The following GPA33 variants were observed in gnomAD, a reference collection of about 807,000 sequenced individuals.
GPA33 encodes glycoprotein A33, also known as cell surface A33 antigen.
Under a neutral mutation model 35.6 loss-of-function variants are expected in GPA33, and 27 were observed. That is an observed-to-expected ratio of 0.76 (90% CI 0.56 to 1.04). The LOEUF (loss-of-function observed/expected upper bound fraction) is 1.04. GPA33 is among the 50% of genes least tolerant of loss of function. The probability of loss-of-function intolerance (pLI) is 0.00; values close to 1 mark genes in which losing one functional copy is unlikely to be tolerated. For synonymous variants in GPA33, 176 were observed against 164.0 expected (o/e 1.07, Z -0.56); for missense variants, 428 against 411.9 (o/e 1.04, Z -0.34).
In GPA33 at chr1:167,069,090, C is replaced by G. The variant is rs781200944; in HGVS notation, c.247G>C (p.Glu83Gln). The G allele has an allele frequency of 1.2e-6, 2 of 1,613,936 alleles. No homozygotes were observed. Among genetic ancestry groups the G allele is most frequent in the Admixed American group, 3.3e-5 (2 of 59,998 alleles). Reference sequence around the variant, plus strand: ...ATGCTGACGCGATTCTTATAAAGCTCACCATGGATGTAGTTTTTGTTTGAA... The same window carrying G: ...ATGCTGACGCGATTCTTATAAAGCTGACCATGGATGTAGTTTTTGTTTGAA... Reference protein sequence around the residue: ...PFSNKNYIHGELYKNRVSISN... With the variant: ...PFSNKNYIHGQLYKNRVSISN... Residue 83 changes from glutamate to glutamine, a missense_variant, in exon 3 of 7, where the codon GAG (glutamate) becomes CAG (glutamine). Transcript: ENST00000367868.
intron 4 of GPA33, among the ~76,000 whole-genome samples, chr1:167,056,910 G>T (rs1461059379): frequency 1.4e-5 from 2 of 146,216 alleles, no homozygotes; most frequent in Non-Finnish European, 1.5e-5. Flanking sequence ...TGCTGCATGT[G>T]GTGTGTGTGG....
Position 167,090,283 on chromosome 1 carries a change from A to T in GPA33, c.5T>A (p.Val2Glu), listed in dbSNP as rs1256687235. 1.9e-6 allele frequency: 3 copies of T among 1,613,336 alleles called. No homozygotes were observed. The highest frequency in any genetic ancestry group is 2.5e-6 in the Non-Finnish European group (3 of 1,179,476). M[V>E]GKMWPVLWTL... is the part of the protein sequence containing the mutation. ...CCACAACACAGGCCACATCTTCCCC[A>T]CCATGGTCTTGCTTCTTCTCTGCCC... The change falls in exon 1 of 7, where the codon GTG (valine) becomes GAG (glutamate). Residue 2 changes from valine (V) to glutamate (E), a missense_variant. By Grantham distance (121) the Val-to-Glu change is moderately radical. Coordinates refer to ENST00000367868, the MANE Select transcript of GPA33 (RefSeq NM_005814.3).
chr1:167,054,231 G>T lies in GPA33; in HGVS notation c.*103C>A. The T allele has an allele frequency of 1.4e-6, 2 of 1,411,010 alleles. No individual in the cohort carries two copies. Among genetic ancestry groups the T allele is most frequent in the Non-Finnish European group, 2.0e-6 (2 of 1,022,154 alleles). 87.4% of individuals were successfully genotyped at this position (1,411,010 alleles called of 1,614,324 possible). A position where few individuals can be genotyped will look rare whatever the true frequency, so the allele number is the denominator to read the frequency against. ...GAAGAAATGTCCCCATCAATGTCTG[G>T]GATGGAGGGACAGGAGAACAGGGCT... On this transcript the variant is annotated 3_prime_UTR_variant, in exon 7 of 7. Coordinates refer to ENST00000367868, the MANE Select transcript of GPA33 (RefSeq NM_005814.3).
chr1:167,056,867 G>GT (rs1666313343), intron 4 of GPA33, among the ~76,000 whole-genome samples: 1 of 19,186 alleles, frequency 5.2e-5, no homozygotes, highest in African/African-American at 2.1e-4. Flanking sequence ...GTGTGTGTGT[G>GT]GTGTGTGGTG....
At chr1:167,069,254 C>T in intron 2 of GPA33, 116 bp from the exon 3 acceptor site, 1 of 644,232 alleles carries the variant, frequency 1.6e-6, no homozygotes, top group Non-Finnish European at 2.8e-6. Context: ...ACAGACCTGC[C>T]AACCCCTCAG....
rs551273699 is a variant in GPA33 at position 167,055,712 on chromosome 1, C to A, written c.691+18G>T. 3.7e-6 allele frequency: 6 copies of A among 1,613,180 alleles called. No homozygotes were observed. The highest frequency in any genetic ancestry group is 2.7e-5 in the African/African-American group (2 of 74,920). ...TCCTGTGGCGTTTGTCAGCCCTCCC[C>A]CCGCAGGCTGCTCTTACGAGATCTG... is the stretch of plus-strand genomic sequence containing the variant. On this transcript the variant is annotated intron_variant, in intron 5 of 6. Transcript: ENST00000367868.
chr1:167,058,298 T>A (rs577666770), intron 4 of GPA33: 4 of 152,202 alleles, frequency 2.6e-5, no homozygotes, highest in Non-Finnish European at 4.4e-5. Context: ...TCAATTCAAT[T>A]CAATACAGAA....
At chr1:167,056,832 G>C (rs1666307933) in intron 4 of GPA33, among the ~76,000 whole-genome samples, 1 of 10,062 alleles carries the variant, frequency 9.9e-5, no homozygotes, top group Non-Finnish European at 2.4e-4. Flanking sequence ...TTTGTAGTGT[G>C]TGTGGTGAGT....
At chr1:167,088,374 A>G (rs1667094900) in intron 1 of GPA33, among the ~76,000 whole-genome samples, 1 of 152,172 alleles carries the variant, frequency 6.6e-6, no homozygotes, top group Non-Finnish European at 1.5e-5. Context: ...ACTATTTGGT[A>G]AACTCTGTTT....
At position 167,064,311 on chromosome 1, in the gene GPA33, AAAAGAAAG is replaced by A. The variant is rs35530433; in HGVS notation, c.416-582_416-575del. On this transcript the variant is annotated intron_variant, in intron 3 of 6. Transcript: ENST00000367868. ...AAAAAAGAAAGAAAAGAAAAAAAGA[AAAAGAAAG>A]AAAGAAAGAAAGAAAGATGGGGACA... Among the ~76,000 whole-genome samples the A allele has an allele frequency of 1.9e-3, 286 of 150,786 alleles. 1 individual carries two copies. Among genetic ancestry groups the A allele is most frequent in the African/African-American group, 5.9e-3 (242 of 41,092 alleles).
intron 1 of GPA33, among the ~76,000 whole-genome samples, chr1:167,084,514 A>T (rs558465486): frequency 3.7e-4 from 57 of 152,338 alleles, no homozygotes; most frequent in African/African-American, 1.3e-3. Flanking sequence ...ACTGCTTCTC[A>T]ATAGACTATG....
intron 1 of GPA33, among the ~76,000 whole-genome samples, chr1:167,084,166 A>G (rs896973559): frequency 3.3e-5 from 5 of 152,188 alleles, no homozygotes; most frequent in East Asian, 1.9e-4. Flanking sequence ...AGAGGTGGTG[A>G]CATGGTCATG....
intron 1 of GPA33, among the ~76,000 whole-genome samples, chr1:167,088,085 G>C (rs1667089871): frequency 6.6e-6 from 1 of 152,158 alleles, no homozygotes; most frequent in Non-Finnish European, 1.5e-5. Flanking sequence ...CATCAGTGCA[G>C]TGCTTCCCTG....
chr1:167,070,591 C>A (rs1346845324), intron 2 of GPA33, among the ~76,000 whole-genome samples: 1 of 152,100 alleles, frequency 6.6e-6, no homozygotes, highest in East Asian at 1.9e-4. Flanking sequence ...GTATATGGGA[C>A]TAAACAGTTT....
At chr1:167,064,047 T>C (rs1266294017) in intron 3 of GPA33, among the ~76,000 whole-genome samples, 3 of 152,254 alleles carry the variant, frequency 2.0e-5, no homozygotes, top group South Asian at 2.1e-4. Flanking sequence ...TAGCGGAACA[T>C]GGCCGTTAGA....
In GPA33 at chr1:167,055,732, G is replaced by A. The variant is rs759884708; in HGVS notation, c.689C>T (p.Ser230Phe). ...CTCCCCCCGCAGGCTGCTCTTACGA[G>A]ATCTGACGGCCACCGTGATGTTGCA... is the stretch of plus-strand genomic sequence containing the variant. ...QFCNITVAVRSPSMNVALYVG... is the reference protein window; with the variant it reads ...QFCNITVAVRFPSMNVALYVG... The change falls in exon 5 of 7, where the codon TCT (serine) becomes TTT (phenylalanine). Residue 230 changes from serine to phenylalanine, a missense_variant and splice_region_variant. Coordinates refer to ENST00000367868, the MANE Select transcript of GPA33 (RefSeq NM_005814.3). 5 of 1,613,864 alleles carry A rather than the reference G, an allele frequency of 3.1e-6. No individual in the cohort carries two copies. In the African/African-American group the frequency reaches 5.3e-5, roughly 17 times the overall value.
At chr1:167,061,596 T>TG (rs969545933) in intron 4 of GPA33, among the ~76,000 whole-genome samples, 3 of 138,284 alleles carry the variant, frequency 2.2e-5, no homozygotes, top group African/African-American at 8.3e-5. Flanking sequence ...GTTTTTTTTT[T>TG]TTTTTTTTTT....
In GPA33 at chr1:167,069,021, G is replaced by T. The variant is rs1350370187; in HGVS notation, c.316C>A (p.Gln106Lys). Residue 106 changes from glutamine to lysine, a missense_variant, in exon 3 of 7, where the codon CAG (glutamine) becomes AAG (lysine). Transcript: ENST00000367868. ...EQSDASITID[Q>K]LTMADNGTYE... is the part of the protein sequence containing the mutation. Reference sequence around the variant, plus strand: ...GTGCCGTTGTCAGCCATGGTCAGCTGATCAATGGTGATGGAGGCATCGGAC... The same window carrying T: ...GTGCCGTTGTCAGCCATGGTCAGCTTATCAATGGTGATGGAGGCATCGGAC... 1.2e-6 allele frequency: 2 copies of T among 1,613,764 alleles called. No homozygotes were observed. The highest frequency in any genetic ancestry group is 1.7e-6 in the Non-Finnish European group (2 of 1,179,742).
intron 1 of GPA33, among the ~76,000 whole-genome samples, chr1:167,081,697 C>T (rs538886563): frequency 5.6e-4 from 86 of 152,328 alleles, no homozygotes; most frequent in Middle Eastern, 6.8e-3. Flanking sequence ...GCCTGGCTTT[C>T]CCGAGCCACT....
Sources: gnomAD v4.1 joint callset for allele counts (sites outside exome capture counted in the v4.1 genomes callset) on GRCh38, gnomAD v4.1.1 for gene constraint, MANE v1.5 for transcripts, NCBI Gene and HGNC (gene_info 2026-07-23, HGNC 2026-07-21) for gene names.